Variants in IDH3A observed in about 807,000 individuals in gnomAD.
The protein encoded by IDH3A is isocitrate dehydrogenase (NAD(+)) 3 catalytic subunit alpha.
Under a neutral mutation model 43.3 loss-of-function variants are expected in IDH3A, and 23 were observed. That is an observed-to-expected ratio of 0.53 (90% CI 0.38 to 0.75). The LOEUF is 0.75. Among genes scored for constraint, IDH3A ranks in the 30% least tolerant of loss-of-function variants. IDH3A has a pLI of 0.00. For missense variants in IDH3A, 329 were observed against 474.4 expected (o/e 0.69, Z 2.85); for synonymous variants, 154 against 163.5 (o/e 0.94, Z 0.44).
chr15:78,161,877 C>A lies in IDH3A; in HGVS notation c.477+109C>A. 1 of 987,222 alleles carries A rather than the reference C, an allele frequency of 1.0e-6. No homozygotes were observed. Among genetic ancestry groups the A allele is most frequent in the Non-Finnish European group, 1.5e-6 (1 of 645,958 alleles). The allele number at this position is 987,222 out of a possible 1,614,324, so 61.2% of individuals were successfully genotyped here. A position where few individuals can be genotyped will look rare whatever the true frequency, so the allele number is the denominator to read the frequency against. ...TCTGTGAGGAGTTGTGGGTGTTTGT[C>A]TTGGTGCTGGGTGTCTGGCTGACAG... is the stretch of plus-strand genomic sequence containing the variant. On this transcript the variant is annotated intron_variant, in intron 5 of 10. Transcript: ENST00000299518. The surrounding 1 kb of genome is among the most constrained non-coding windows in gnomAD (Gnocchi z 4.8).
At position 78,171,630 on chromosome 15, in the gene IDH3A, A is replaced by G; in HGVS notation, c.*2625A>G. 1.1e-6 allele frequency: 1 copy of G among 951,960 alleles called. No homozygotes were observed. Among genetic ancestry groups the G allele is most frequent in the South Asian group, 1.4e-5 (1 of 69,998 alleles). The allele number at this position is 951,960 out of a possible 1,614,324, so 59.0% of individuals were successfully genotyped here. A position where few individuals can be genotyped will look rare whatever the true frequency, so the allele number is the denominator to read the frequency against. ...ACTCAGTCCTATATATAACTCAGGA[A>G]TTAAGCCAGATAATCAGGACCGTCA... On this transcript the variant is annotated 3_prime_UTR_variant, in exon 11 of 11. Coordinates refer to ENST00000299518, the MANE Select transcript of IDH3A (RefSeq NM_005530.3).
intron 1 of IDH3A, among the ~76,000 whole-genome samples, chr15:78,152,426 T>C (rs1431779400): frequency 7.0e-6 from 1 of 142,558 alleles, no homozygotes; most frequent in Admixed American, 7.4e-5. Flanking sequence ...AATGGCGCGA[T>C]CTTGGCTCAC....
chr15:78,154,402 T>G (rs914947530), intron 1 of IDH3A: 3 of 152,202 alleles, frequency 2.0e-5, no homozygotes, highest in African/African-American at 7.2e-5. Context: ...TTCTTAGATT[T>G]TACTATAAAG....
intron 8 of IDH3A, among the ~76,000 whole-genome samples, chr15:78,164,354 ATTTT>A (rs144772337): frequency 8.6e-6 from 1 of 116,572 alleles, no homozygotes. Flanking sequence ...GGTGATTTTC[ATTTT>A]TTTTTTTTTT....
rs1364037983 is a variant in IDH3A, at chr15:78,161,788, T to C, written c.477+20T>C. 1.2e-6 allele frequency: 2 copies of C among 1,602,582 alleles called. No homozygotes were observed. The highest frequency in any genetic ancestry group is 1.7e-6 in the Non-Finnish European group (2 of 1,170,036). ...CATGTGGTATGTTCACTCCAGATTC[T>C]TTTTTATTCCTGCTTGGACTGCTTT... On this transcript the variant is annotated intron_variant, in intron 5 of 10. Transcript: ENST00000299518. This position sits in a 1 kb window ranked among gnomAD's most constrained non-coding sequence, Gnocchi z 4.8.
intron 2 of IDH3A, chr15:78,156,956 G>A: frequency 7.4e-7 from 1 of 1,349,090 alleles, no homozygotes; most frequent in Non-Finnish European, 9.8e-7. Context: ...TAAGCAGACA[G>A]TTTTATAGAG....
chr15:78,166,554 G>A (rs551836017), intron 10 of IDH3A: 2 of 449,454 alleles, frequency 4.4e-6, no homozygotes, highest in African/African-American at 2.0e-5. Flanking sequence ...TCAGTGTACA[G>A]TGGAAAGGTC....
chr15:78,160,806 T>C (rs2074674216), intron 4 of IDH3A, among the ~76,000 whole-genome samples: 1 of 152,128 alleles, frequency 6.6e-6, no homozygotes, highest in Non-Finnish European at 1.5e-5. Context: ...CCTACATTTT[T>C]ATTATTATTT....
chr15:78,161,939 C>G lies in IDH3A; in HGVS notation c.477+171C>G, dbSNP rs1202507584. Among the ~76,000 whole-genome samples the G allele has an allele frequency of 1.3e-5, 2 of 152,112 alleles. No individual in the cohort carries two copies. Among genetic ancestry groups the G allele is most frequent in the African/African-American group, 4.8e-5 (2 of 41,396 alleles). On this transcript the variant is annotated intron_variant, in intron 5 of 10. Transcript: ENST00000299518. The surrounding 1 kb of genome is among the most constrained non-coding windows in gnomAD (Gnocchi z 4.8). Reference sequence around the variant, plus strand: ...ATGTAAGGCATGGTGGTTCGCGTCACAAGCTTGGGAATATGCCCTCTGAAT... The same window carrying G: ...ATGTAAGGCATGGTGGTTCGCGTCAGAAGCTTGGGAATATGCCCTCTGAAT...
At chr15:78,149,462 A>C in intron 1 of IDH3A, 32 bp downstream of exon 1, 1 of 1,520,644 alleles carries the variant, frequency 6.6e-7, no homozygotes, top group Middle Eastern at 2.2e-4. Context: ...TGTGGCAGGC[A>C]GGCAGGCCGC....
intron 1 of IDH3A, chr15:78,151,683 G>A (rs1596373891): frequency 6.6e-6 from 1 of 152,170 alleles, no homozygotes; most frequent in East Asian, 1.9e-4. Context: ...ACGACCTGAA[G>A]TCCAAAGTTC....
At chr15:78,150,703 A>G (rs1018103129) in intron 1 of IDH3A, 4 of 152,256 alleles carry the variant, frequency 2.6e-5, no homozygotes, top group African/African-American at 9.6e-5. Flanking sequence ...GTACAGAAGG[A>G]AAACAAAAAT....
Position 78,168,962 on chromosome 15 carries a change from A to G in IDH3A, c.1058A>G (p.Asp353Gly). ...TTGGGAGGCAATGCAAAATGCTCAG[A>G]CTTCACAGAGGAAATCTGTCGCCGA... ...KDLGGNAKCSDFTEEICRRVK... is the reference protein window; with the variant it reads ...KDLGGNAKCSGFTEEICRRVK... The change falls in exon 11 of 11, where the codon GAC becomes GGC. Residue 353 changes from aspartate (D) to glycine (G), a missense_variant. This residue lies in a region of IDH3A where 91 missense variants were observed against 111.6 expected (regional missense o/e 0.82). Coordinates refer to ENST00000299518, the MANE Select transcript of IDH3A (RefSeq NM_005530.3). 6.2e-7 allele frequency: 1 copy of G among 1,604,870 alleles called. No homozygotes were observed. Among genetic ancestry groups the G allele is most frequent in the Non-Finnish European group, 8.5e-7 (1 of 1,172,412 alleles).
At chr15:78,159,492 C>A (rs2074659629) in intron 3 of IDH3A, among the ~76,000 whole-genome samples, 1 of 152,144 alleles carries the variant, frequency 6.6e-6, no homozygotes, top group Admixed American at 6.5e-5. Flanking sequence ...TTTCTGTGAA[C>A]CATATTCCTC....
chr15:78,160,024 A>G (rs2074665492), intron 3 of IDH3A, 68 bp from the exon 4 acceptor site: 5 of 937,302 alleles, frequency 5.3e-6, no homozygotes, highest in Non-Finnish European at 8.8e-6. Context: ...TTTGTTCATC[A>G]TTGCAGTATG....
At position 78,155,286 on chromosome 15, in the gene IDH3A, T is replaced by G; in HGVS notation, c.90+11T>G. ...GGTTTTACTGGTGGTGTGAGTATAA[T>G]TATGTCTTTTATTTTTTCCTTTTAG... is the stretch of plus-strand genomic sequence containing the variant. On this transcript the variant is annotated intron_variant, in intron 2 of 10. Coordinates refer to ENST00000299518, the MANE Select transcript of IDH3A (RefSeq NM_005530.3). 1 of 1,590,798 alleles carries G rather than the reference T, an allele frequency of 6.3e-7. No homozygotes were observed.
chr15:78,161,507 C>G lies in IDH3A; in HGVS notation c.290-74C>G. 1 of 1,173,090 alleles carries G rather than the reference C, an allele frequency of 8.5e-7. No individual in the cohort carries two copies. 72.7% of individuals were successfully genotyped at this position (1,173,090 alleles called of 1,614,324 possible). On this transcript the variant is annotated intron_variant, in intron 4 of 10. Coordinates refer to ENST00000299518, the MANE Select transcript of IDH3A (RefSeq NM_005530.3). This position sits in a 1 kb window ranked among gnomAD's most constrained non-coding sequence, Gnocchi z 4.8. ...GGCAGAACACATTTCACAAGGTAGC[C>G]GAGGTGGGTTAGTAGGTCACACGTG...
chr15:78,157,314 T>C, intron 2 of IDH3A: 2 of 685,654 alleles, frequency 2.9e-6, no homozygotes, highest in Non-Finnish European at 2.2e-6. Context: ...AAGAGTATCA[T>C]TTGGTTCTTT....
chr15:78,161,591 G>A lies in IDH3A; in HGVS notation c.300G>A (p.Lys100=), dbSNP rs1328887584. 6.2e-7 allele frequency: 1 copy of A among 1,613,042 alleles called. No individual in the cohort carries two copies. The highest frequency in any genetic ancestry group is 1.3e-5 in the African/African-American group (1 of 74,918). Residue 100 remains lysine, a synonymous_variant, in exon 5 of 11, where the codon AAG becomes AAA. Coordinates refer to ENST00000299518, the MANE Select transcript of IDH3A (RefSeq NM_005530.3). The surrounding 1 kb of genome is among the most constrained non-coding windows in gnomAD (Gnocchi z 4.8). The part of the protein sequence containing the change: ...KNKMGLKGPL[K]TPIAAGHPSM... Reference sequence around the variant, plus strand: ...TCTTCTGTATAACAGGCCCTTTGAAGACCCCAATAGCAGCCGGTCACCCAT... The same window carrying A: ...TCTTCTGTATAACAGGCCCTTTGAAAACCCCAATAGCAGCCGGTCACCCAT...
Sources: allele counts gnomAD v4.1 joint callset (sites outside exome capture counted in the v4.1 genomes callset), GRCh38; gene constraint gnomAD v4.1.1; regional missense constraint gnomAD v4.1.1; non-coding constraint Gnocchi (gnomAD v3.1); transcripts MANE v1.5; gene names NCBI Gene and HGNC (gene_info 2026-07-23, HGNC 2026-07-21).